Variants in GRIK2 observed in about 807,000 individuals in gnomAD.
GRIK2 encodes glutamate ionotropic receptor kainate type subunit 2.
In GRIK2, 32 loss-of-function variants were observed where a neutral mutation model predicts 100.3. The observed-to-expected ratio is 0.32, with a 90% CI of 0.24 to 0.43. The LOEUF (loss-of-function observed/expected upper bound fraction) is 0.43. Ranked by LOEUF, GRIK2 falls within the 20% of genes least tolerant of loss-of-function variation. The pLI is 1.00. For missense variants in GRIK2, 843 were observed against 1,114.9 expected (o/e 0.76, Z 3.47); for synonymous variants, 417 against 389.4 (o/e 1.07, Z -0.83).
intron 4 of GRIK2, among the ~76,000 whole-genome samples, chr6:101,655,261 C>T (rs1409878444): frequency 6.6e-6 from 1 of 152,006 alleles, no homozygotes; most frequent in Non-Finnish European, 1.5e-5. Flanking sequence ...GTATGCTGGC[C>T]AGAATTTCTG....
intron 12 of GRIK2, among the ~76,000 whole-genome samples, chr6:101,896,561 G>A (rs779780869): frequency 4.0e-5 from 6 of 151,384 alleles, no homozygotes; most frequent in African/African-American, 9.7e-5. Flanking sequence ...ATAATTTATT[G>A]TTAGGCCAAA....
chr6:101,416,829 C>A (rs1396869654), intron 2 of GRIK2, among the ~76,000 whole-genome samples: 2 of 152,106 alleles, frequency 1.3e-5, no homozygotes, highest in Non-Finnish European at 2.9e-5. Context: ...ATGTTGTCAT[C>A]TATGGAGTAG....
chr6:101,917,865 A>G (rs2098736145), intron 12 of GRIK2, among the ~76,000 whole-genome samples: 1 of 151,628 alleles, frequency 6.6e-6, no homozygotes, highest in South Asian at 2.1e-4. Flanking sequence ...CATGAAAAGA[A>G]AAACAAAGTC....
chr6:101,776,979 C>T (rs772712656), intron 7 of GRIK2, among the ~76,000 whole-genome samples: 15 of 152,184 alleles, frequency 9.9e-5, no homozygotes, highest in Non-Finnish European at 1.8e-4. Context: ...GATTACCGCT[C>T]TTCTGGTGAT....
chr6:101,509,623 A>G (rs1210244261), intron 2 of GRIK2, among the ~76,000 whole-genome samples: 1 of 152,212 alleles, frequency 6.6e-6, no homozygotes, highest in Non-Finnish European at 1.5e-5. Context: ...CAGGTAGAAG[A>G]TGAAGAATCT....
At chr6:101,910,205 T>C (rs1788576509) in intron 12 of GRIK2, among the ~76,000 whole-genome samples, 1 of 151,218 alleles carries the variant, frequency 6.6e-6, no homozygotes, top group Admixed American at 6.6e-5. Flanking sequence ...TGCATAAACA[T>C]GCTGTATATG....
At chr6:101,832,540 T>C (rs1408340332) in intron 10 of GRIK2, among the ~76,000 whole-genome samples, 1 of 152,132 alleles carries the variant, frequency 6.6e-6, no homozygotes, top group Non-Finnish European at 1.5e-5. Flanking sequence ...TGGCTTGGCT[T>C]CTTACTTGGC....
At chr6:101,957,533 T>C (rs942752670) in intron 14 of GRIK2, among the ~76,000 whole-genome samples, 1 of 151,852 alleles carries the variant, frequency 6.6e-6, no homozygotes, top group Non-Finnish European at 1.5e-5. Flanking sequence ...CTAGTTTAAG[T>C]CCCTTTTGTC....
At chr6:101,817,390 GT>G (rs1781697680) in intron 9 of GRIK2, among the ~76,000 whole-genome samples, 1 of 152,174 alleles carries the variant, frequency 6.6e-6, no homozygotes, top group South Asian at 2.1e-4. Flanking sequence ...TAATTTGATA[GT>G]TTTCCTTTTC....
At chr6:101,887,631 T>C (rs1040960122) in intron 11 of GRIK2, among the ~76,000 whole-genome samples, 8 of 152,044 alleles carry the variant, frequency 5.3e-5, no homozygotes, top group African/African-American at 1.9e-4. Flanking sequence ...CTGTAAGCTG[T>C]ATAGGAAGCA....
chr6:101,998,526 C>G (rs1481994826), intron 14 of GRIK2, among the ~76,000 whole-genome samples: 1 of 151,788 alleles, frequency 6.6e-6, no homozygotes, highest in Non-Finnish European at 1.5e-5. Flanking sequence ...TTTTTGTTGT[C>G]TTATTTAGGA....
At chr6:102,038,524 T>C (rs967301859) in intron 15 of GRIK2, among the ~76,000 whole-genome samples, 1 of 151,472 alleles carries the variant, frequency 6.6e-6, no homozygotes, top group Non-Finnish European at 1.5e-5. Flanking sequence ...TATCATAATC[T>C]GCATTTCTCA....
intron 6 of GRIK2, among the ~76,000 whole-genome samples, chr6:101,684,903 C>T (rs1464683463): frequency 6.6e-6 from 1 of 152,002 alleles, no homozygotes; most frequent in African/African-American, 2.4e-5. Flanking sequence ...GTCTTATGAC[C>T]TCCTTTCTGT....
chr6:101,896,606 C>T lies in GRIK2; in HGVS notation c.1748+6743C>T, dbSNP rs181516245. ...AAACGCAAGAGCAGAAATTTGATAG[C>T]CCATCTTTATTTTTCAAATTCTATG... is the stretch of plus-strand genomic sequence containing the variant. On this transcript the variant is annotated intron_variant, in intron 12 of 16. Transcript: ENST00000369134. 4.1e-3 allele frequency among the ~76,000 whole-genome samples: 625 copies of T among 151,678 alleles called. 4 individuals are homozygous for T. The highest frequency in any genetic ancestry group is 6.5e-3 in the Non-Finnish European group (443 of 67,680).
chr6:101,775,150 G>A (rs1296579986), intron 7 of GRIK2, among the ~76,000 whole-genome samples: 1 of 152,142 alleles, frequency 6.6e-6, no homozygotes, highest in Non-Finnish European at 1.5e-5. Flanking sequence ...GTTAAAATTA[G>A]TGTCAGCCAC....
chr6:101,893,901 A>G (rs1294444084), intron 12 of GRIK2, among the ~76,000 whole-genome samples: 2 of 151,440 alleles, frequency 1.3e-5, no homozygotes, highest in Non-Finnish European at 3.0e-5. Flanking sequence ...GAATAAATTT[A>G]TAATAATACT....
intron 2 of GRIK2, among the ~76,000 whole-genome samples, chr6:101,401,034 G>T (rs940383151): frequency 2.0e-5 from 3 of 152,182 alleles, no homozygotes; most frequent in Non-Finnish European, 4.4e-5. Flanking sequence ...TGTGTTTTCA[G>T]CAGTTAGGCT....
intron 2 of GRIK2, among the ~76,000 whole-genome samples, chr6:101,506,849 C>T (rs967017565): frequency 3.6e-4 from 55 of 152,134 alleles, no homozygotes; most frequent in African/African-American, 1.3e-3. Context: ...TTTATATCAA[C>T]TTAACCATTG....
intron 4 of GRIK2, among the ~76,000 whole-genome samples, chr6:101,648,762 T>C (rs762233978): frequency 4.5e-4 from 69 of 152,112 alleles, no homozygotes; most frequent in Non-Finnish European, 8.5e-4. Context: ...AGAAACTATA[T>C]GTATTAGTCT....
Sources: gnomAD v4.1 joint callset for allele counts (sites outside exome capture counted in the v4.1 genomes callset) on GRCh38, gnomAD v4.1.1 for gene constraint, MANE v1.5 for transcripts, NCBI Gene and HGNC (gene_info 2026-07-23, HGNC 2026-07-21) for gene names.